The following ZNF783 variants were observed in gnomAD, a reference collection of about 807,000 sequenced individuals.
ZNF783 encodes the protein protein ZNF783.
A neutral mutation model predicts 31.3 loss-of-function variants in ZNF783; 25 were observed. The ratio of observed to expected loss-of-function variants is 0.80; its 90% CI spans 0.58 to 1.11. The LOEUF is 1.11. Among genes scored for constraint, ZNF783 ranks in the 50% most tolerant of loss-of-function variants. The pLI is 0.00. For missense variants in ZNF783, 797 were observed against 760.0 expected, an observed-to-expected ratio of 1.05 and a Z score of -0.57; for synonymous variants, 369 against 319.1, an observed-to-expected ratio of 1.16 and a Z score of -1.66.
At chr7:149,279,633 TTTTTTTTTTTTTTTTTTTTTTAA>T (rs1464320255) in intron 5 of ZNF783, among the ~76,000 whole-genome samples, 1 of 61,556 alleles carries the variant, frequency 1.6e-5, no homozygotes, top group Non-Finnish European at 3.7e-5. Context: ...TTTATCTTTG[TTTTTTTTTTTTTTTTTTTTTTAA>T]TTTTTTTTTT....
intron 4 of ZNF783, 95 bp downstream of exon 4, chr7:149,267,317 G>A: frequency 6.8e-7 from 1 of 1,477,574 alleles, no homozygotes; most frequent in Non-Finnish European, 8.9e-7. Context: ...AGGGAGGGCA[G>A]GAAGGGAGCA....
At position 149,282,031 on chromosome 7, in the gene ZNF783, C is replaced by T. The variant is rs1301176804; in HGVS notation, c.1329C>T (p.Arg443=). 6.3e-7 allele frequency: 1 copy of T among 1,589,428 alleles called. No individual in the cohort carries two copies. Among genetic ancestry groups the T allele is most frequent in the East Asian group, 2.2e-5 (1 of 44,462 alleles). The change falls in exon 6 of 6, where the codon CGC becomes CGT. Residue 443 remains arginine (R), a synonymous_variant. Transcript: ENST00000434415. ...SKMYHCSECL[R]FFQQRKSLLL... ...TGTACCACTGCAGCGAGTGCCTGCG[C>T]TTCTTCCAGCAGCGCAAGAGCCTGC...
chr7:149,267,658 G>A (rs1288024046), intron 4 of ZNF783, among the ~76,000 whole-genome samples: 1 of 152,114 alleles, frequency 6.6e-6, no homozygotes, highest in African/African-American at 2.4e-5. Flanking sequence ...TTAGCCGGGC[G>A]TGGTGGCAGG....
At position 149,282,121 on chromosome 7, in the gene ZNF783, G is replaced by A. The variant is rs1296951498; in HGVS notation, c.1419G>A (p.Lys473=). ...GGCCCGCCTGCCCCTACTGCGGCAA[G>A]GCCTTCCGCCGGCCCTCGGACCTCT... ...QGWPACPYCG[K]AFRRPSDLFR... is the part of the protein sequence containing the mutation. Residue 473 remains lysine (K), a synonymous_variant, in exon 6 of 6, where the codon AAG becomes AAA. Coordinates refer to ENST00000434415, the MANE Select transcript of ZNF783 (RefSeq NM_001195220.2). The A allele has an allele frequency of 6.3e-7, 1 of 1,598,888 alleles. No individual in the cohort carries two copies. The highest frequency in any genetic ancestry group is 2.2e-5 in the East Asian group (1 of 44,848).
chr7:149,268,595 C>T lies in ZNF783; in HGVS notation c.673+1373C>T, dbSNP rs1797141536. Among the ~76,000 whole-genome samples the T allele has an allele frequency of 2.0e-5, 3 of 152,198 alleles. No individual in the cohort carries two copies. The South Asian group carries it at 6.2e-4, about 32-fold the overall frequency. ...TACCCAAGCTTTTCAATCCATTCTCCTCTCTTTCCCTTCCCCCTGTAGTAG... is the reference window on the plus strand; with the variant it reads ...TACCCAAGCTTTTCAATCCATTCTCTTCTCTTTCCCTTCCCCCTGTAGTAG... On this transcript the variant is annotated intron_variant, in intron 4 of 5. Transcript: ENST00000434415.
chr7:149,265,486 G>T (rs1347604807), intron 1 of ZNF783, among the ~76,000 whole-genome samples: 2 of 152,142 alleles, frequency 1.3e-5, no homozygotes, highest in South Asian at 4.1e-4. Flanking sequence ...TTTGCAGACG[G>T]CTGCCTTCTC....
At chr7:149,267,959 G>A (rs1037889587) in intron 4 of ZNF783, among the ~76,000 whole-genome samples, 5 of 152,196 alleles carry the variant, frequency 3.3e-5, no homozygotes, top group African/African-American at 1.2e-4. Context: ...GCTTCCATTT[G>A]TGTACATGGC....
intron 1 of ZNF783, among the ~76,000 whole-genome samples, chr7:149,264,757 C>T (rs1053349474): frequency 3.3e-5 from 5 of 151,430 alleles, no homozygotes; most frequent in African/African-American, 1.2e-4. Context: ...TCTGTAGTCC[C>T]AGCTACTTGG....
intron 1 of ZNF783, among the ~76,000 whole-genome samples, chr7:149,262,652 G>A (rs78854238): frequency 0.02 from 3,040 of 152,286 alleles, 36 homozygotes; most frequent in Middle Eastern, 0.037. Context: ...CGCGCCTTAG[G>A]AGTATTGTCC....
In ZNF783 at chr7:149,281,606, C is replaced by A; in HGVS notation, c.904C>A (p.Pro302Thr). ...CCGAGGCCAGACCGAGTGTAGAATC[C>A]CCCGAGGGCCCAGGAACAGGCCTGG... Reference protein sequence around the residue: ...VSRGQTECRIPRGPRNRPGGP... With the variant: ...VSRGQTECRITRGPRNRPGGP... Residue 302 changes from proline to threonine, a missense_variant, in exon 6 of 6, where the codon CCC (proline) becomes ACC (threonine). Pro to Thr is a conservative substitution (Grantham distance 38). Coordinates refer to ENST00000434415, the MANE Select transcript of ZNF783 (RefSeq NM_001195220.2). The A allele has an allele frequency of 1.3e-6, 2 of 1,546,314 alleles. No homozygotes were observed. Among genetic ancestry groups the A allele is most frequent in the Non-Finnish European group, 1.7e-6 (2 of 1,158,248 alleles).
In ZNF783 at chr7:149,272,884, C is replaced by A. The variant is rs143244724; in HGVS notation, c.674-5515C>A. The stretch of plus-strand genomic sequence containing the variant: ...ACCCATTAACCATCTCTACTTCCCC[C>A]CTCGCACCTTCCCCCAACCCTTCCC... On this transcript the variant is annotated intron_variant, in intron 4 of 5. Coordinates refer to ENST00000434415, the MANE Select transcript of ZNF783 (RefSeq NM_001195220.2). Among the ~76,000 whole-genome samples the A allele has an allele frequency of 4.6e-3, 703 of 151,610 alleles. 16 individuals are homozygous for A. The highest frequency in any genetic ancestry group is 0.043 in the Admixed American group (647 of 15,218).
chr7:149,278,359 C>A (rs1483503955), intron 4 of ZNF783, 40 bp from the exon 5 acceptor site: 2 of 1,597,552 alleles, frequency 1.3e-6, no homozygotes, highest in Non-Finnish European at 1.7e-6. Flanking sequence ...GGCAGGAGAC[C>A]TCCATGTTGT....
In ZNF783 at chr7:149,281,513, G is replaced by A. The variant is rs1296663228; in HGVS notation, c.811G>A (p.Val271Met). ...APAGPEAGGG[V>M]AIKTEAQSED... ...ATAGACTCCTTTGCCAGGTGGTGGT[G>A]TGGCCATCAAGACAGAGGCACAGTC... is the stretch of plus-strand genomic sequence containing the variant. Residue 271 changes from valine to methionine, a missense_variant, in exon 6 of 6, where the codon GTG (valine) becomes ATG (methionine). Coordinates refer to ENST00000434415, the MANE Select transcript of ZNF783 (RefSeq NM_001195220.2). 5 of 1,444,374 alleles carry A rather than the reference G, an allele frequency of 3.5e-6. No homozygotes were observed. Among genetic ancestry groups the A allele is most frequent in the African/African-American group, 1.5e-5 (1 of 67,942 alleles). 89.5% of individuals were successfully genotyped at this position (1,444,374 alleles called of 1,614,324 possible).
At chr7:149,267,792 A>G (rs1797117628) in intron 4 of ZNF783, among the ~76,000 whole-genome samples, 2 of 150,570 alleles carry the variant, frequency 1.3e-5, no homozygotes, top group Admixed American at 6.6e-5. Flanking sequence ...GCAAGACTTC[A>G]TCTAAAAAAA....
At position 149,282,444 on chromosome 7, in the gene ZNF783, C is replaced by A; in HGVS notation, c.*101C>A. The A allele has an allele frequency of 9.2e-7, 1 of 1,089,092 alleles. No homozygotes were observed. The highest frequency in any genetic ancestry group is 1.3e-6 in the Non-Finnish European group (1 of 790,066). The allele number at this position is 1,089,092 out of a possible 1,614,324, so 67.5% of individuals were successfully genotyped here. Reference sequence around the variant, plus strand: ...ATGGAGAGAGGTTTGTTGTTTTTACCCATTCAAATGGGAAGCTAGCTGCCC... The same window carrying A: ...ATGGAGAGAGGTTTGTTGTTTTTACACATTCAAATGGGAAGCTAGCTGCCC... On this transcript the variant is annotated 3_prime_UTR_variant, in exon 6 of 6. Coordinates refer to ENST00000434415, the MANE Select transcript of ZNF783 (RefSeq NM_001195220.2).
intron 4 of ZNF783, chr7:149,276,416 C>G: frequency 1.0e-6 from 1 of 987,186 alleles, no homozygotes; most frequent in Non-Finnish European, 1.2e-6. Flanking sequence ...GCTGATGAAG[C>G]AACCGTCTTT....
chr7:149,273,915 G>T (rs553728329), intron 4 of ZNF783, among the ~76,000 whole-genome samples: 21 of 152,220 alleles, frequency 1.4e-4, no homozygotes, highest in African/African-American at 4.6e-4. Context: ...TTTTAATTGG[G>T]TAATTAGATT....
At chr7:149,278,872 G>A (rs974545820) in intron 5 of ZNF783, among the ~76,000 whole-genome samples, 1 of 152,206 alleles carries the variant, frequency 6.6e-6, no homozygotes, top group South Asian at 2.1e-4. Flanking sequence ...CCACGGGGCA[G>A]TGTGTGTCCT....
At chr7:149,262,474 C>A in intron 1 of ZNF783, 117 bp downstream of exon 1, 1 of 872,804 alleles carries the variant, frequency 1.1e-6, no homozygotes, top group Non-Finnish European at 1.5e-6. Flanking sequence ...GCGCAGCCTC[C>A]GCGCTCGTTG....
Sources: gnomAD v4.1 joint callset for allele counts (sites outside exome capture counted in the v4.1 genomes callset) on GRCh38, gnomAD v4.1.1 for gene constraint, MANE v1.5 for transcripts, NCBI Gene and HGNC (gene_info 2026-07-23, HGNC 2026-07-21) for gene names.